CDH7: variants seen among roughly 807,000 people sequenced by gnomAD.
CDH7 encodes the protein cadherin 7, also known as cadherin-7.
Under a neutral mutation model 71.8 loss-of-function variants are expected in CDH7, and 25 were observed. The observed-to-expected ratio is 0.35, with a 90% CI of 0.25 to 0.49. CDH7 has a LOEUF of 0.49. CDH7 is among the 20% of genes least tolerant of loss of function. The pLI is 0.99. For synonymous variants in CDH7, 381 were observed against 363.8 expected (o/e 1.05, Z -0.54); for missense variants, 862 against 974.6 (o/e 0.88, Z 1.54).
chr18:65,781,162 G>A (rs895145343), intron 2 of CDH7, among the ~76,000 whole-genome samples: 7 of 151,974 alleles, frequency 4.6e-5, no homozygotes, highest in Non-Finnish European at 7.4e-5. Context: ...ACTTAAATTC[G>A]ATTCTGTCTC....
chr18:65,754,233 T>C (rs757699957), intron 1 of CDH7, among the ~76,000 whole-genome samples: 2 of 152,214 alleles, frequency 1.3e-5, no homozygotes, highest in African/African-American at 2.4e-5. Context: ...TAGTTGAAAT[T>C]GAGTCTGTAA....
intron 6 of CDH7, among the ~76,000 whole-genome samples, chr18:65,838,827 A>G (rs1398959745): frequency 6.6e-6 from 1 of 152,222 alleles, no homozygotes; most frequent in Non-Finnish European, 1.5e-5. Context: ...TTAATCCAAC[A>G]ATAGAATTTG....
chr18:65,775,357 T>C (rs953349224), intron 2 of CDH7, among the ~76,000 whole-genome samples: 1 of 152,206 alleles, frequency 6.6e-6, no homozygotes, highest in Admixed American at 6.6e-5. Flanking sequence ...AGGTCTCATG[T>C]AATACAATTG....
At chr18:65,853,516 T>G (rs1913221932) in intron 7 of CDH7, among the ~76,000 whole-genome samples, 1 of 152,090 alleles carries the variant, frequency 6.6e-6, no homozygotes, top group Admixed American at 6.5e-5. Flanking sequence ...ATACATTAGC[T>G]AATGCTTTAT....
intron 2 of CDH7, among the ~76,000 whole-genome samples, chr18:65,793,945 G>T (rs974165851): frequency 1.6e-4 from 25 of 152,140 alleles, no homozygotes; most frequent in African/African-American, 5.8e-4. Flanking sequence ...TGATGCATTT[G>T]ATTGTAGGAA....
intron 2 of CDH7, among the ~76,000 whole-genome samples, chr18:65,781,920 CTT>C (rs758524655): frequency 3.9e-5 from 4 of 102,440 alleles, no homozygotes; most frequent in East Asian, 2.7e-4. Flanking sequence ...CTCTTTCTCT[CTT>C]TCTCTCTCTC....
intron 3 of CDH7, among the ~76,000 whole-genome samples, chr18:65,811,964 TTC>T (rs1388600017): frequency 1.5e-5 from 1 of 67,086 alleles, no homozygotes; most frequent in East Asian, 5.3e-4. Flanking sequence ...TTCTTTTCTT[TTC>T]TTTTTTTTTT....
At chr18:65,843,657 A>T (rs1167344538) in intron 6 of CDH7, among the ~76,000 whole-genome samples, 155 bp from the exon 7 acceptor site, 1 of 152,156 alleles carries the variant, frequency 6.6e-6, no homozygotes, top group Non-Finnish European at 1.5e-5. Flanking sequence ...GCAACAAGAA[A>T]TCTGATTGGC....
At chr18:65,857,479 G>C (rs2877950) in intron 7 of CDH7, among the ~76,000 whole-genome samples, 1,706 of 151,436 alleles carry the variant, frequency 0.011, 22 homozygotes, top group African/African-American at 0.037. Flanking sequence ...CCCCAGCCTG[G>C]GTGACAGCAA....
chr18:65,824,067 T>C (rs1466637170), intron 5 of CDH7, among the ~76,000 whole-genome samples: 1 of 151,028 alleles, frequency 6.6e-6, no homozygotes, highest in African/African-American at 2.4e-5. Context: ...TAATATTGTC[T>C]AGGCTCCCAG....
intron 2 of CDH7, among the ~76,000 whole-genome samples, chr18:65,802,060 C>G (rs1286923683): frequency 1.3e-5 from 2 of 152,160 alleles, no homozygotes; most frequent in Non-Finnish European, 2.9e-5. Context: ...GAGTTTCTTC[C>G]AGTCATCTCT....
chr18:65,851,099 C>CG (rs5825653), intron 7 of CDH7, among the ~76,000 whole-genome samples: 80,771 of 151,916 alleles, frequency 0.53, 25,189 homozygotes, highest in East Asian at 0.92. Flanking sequence ...CCACAGTGCC[C>CG]GGCCTCAATA....
intron 7 of CDH7, among the ~76,000 whole-genome samples, chr18:65,846,031 A>G (rs1200307890): frequency 1.3e-5 from 2 of 151,652 alleles, no homozygotes; most frequent in Non-Finnish European, 1.5e-5. Context: ...TCTATTACCC[A>G]CTCCCTTGTT....
intron 8 of CDH7, 79 bp from the exon 9 acceptor site, chr18:65,858,846 T>C: frequency 4.3e-6 from 6 of 1,408,376 alleles, no homozygotes; most frequent in Non-Finnish European, 5.9e-6. Context: ...GATTTCATTC[T>C]CAGCTTCGTC....
intron 2 of CDH7, among the ~76,000 whole-genome samples, chr18:65,782,734 A>C (rs1910359771): frequency 6.6e-6 from 1 of 152,204 alleles, no homozygotes; most frequent in African/African-American, 2.4e-5. Flanking sequence ...GTAATTTAAT[A>C]CATTATTTAA....
chr18:65,874,608 A>G (rs1399446351), intron 11 of CDH7, among the ~76,000 whole-genome samples: 1 of 152,084 alleles, frequency 6.6e-6, no homozygotes, highest in Non-Finnish European at 1.5e-5. Context: ...AAAAGTCCAG[A>G]CTTCACCACT....
intron 2 of CDH7, among the ~76,000 whole-genome samples, chr18:65,779,074 G>GT (rs1243590392): frequency 2.8e-4 from 18 of 64,322 alleles, no homozygotes; most frequent in African/African-American, 1.4e-3. Flanking sequence ...ATCACTGTTT[G>GT]TTTGTTTGTT....
intron 1 of CDH7, among the ~76,000 whole-genome samples, chr18:65,758,153 A>G (rs1916085606): frequency 2.0e-5 from 3 of 152,232 alleles, no homozygotes; most frequent in African/African-American, 4.8e-5. Context: ...TAAAGAGGTT[A>G]TACAGTGTGT....
intron 2 of CDH7, among the ~76,000 whole-genome samples, chr18:65,802,748 G>A (rs1169447873): frequency 6.6e-6 from 1 of 152,210 alleles, no homozygotes; most frequent in Non-Finnish European, 1.5e-5. Context: ...CTTAAGTTGT[G>A]TGAGAGTTGT....
Sources: gnomAD v4.1 joint callset for allele counts (sites outside exome capture counted in the v4.1 genomes callset) on GRCh38, gnomAD v4.1.1 for gene constraint, MANE v1.5 for transcripts, NCBI Gene and HGNC (gene_info 2026-07-23, HGNC 2026-07-21) for gene names.